SAMSN1: variants seen among roughly 807,000 people sequenced by gnomAD.
SAMSN1 encodes SAM domain, SH3 domain and nuclear localization signals 1.
A neutral mutation model predicts 42.0 loss-of-function variants in SAMSN1; 31 were observed. That is an observed-to-expected ratio of 0.74 (90% CI 0.55 to 1.00). The LOEUF (loss-of-function observed/expected upper bound fraction) is 1.00. Ranked by LOEUF, SAMSN1 falls within the 50% of genes least tolerant of loss-of-function variation. SAMSN1 has a pLI of 0.00. For synonymous variants in SAMSN1, 178 were observed against 151.9 expected, an observed-to-expected ratio of 1.17 and a Z score of -1.26; for missense variants, 464 against 439.4, an observed-to-expected ratio of 1.06 and a Z score of -0.50.
intron 2 of SAMSN1, among the ~76,000 whole-genome samples, chr21:14,626,799 A>G (rs959157211): frequency 2.0e-5 from 3 of 152,202 alleles, no homozygotes; most frequent in Non-Finnish European, 2.9e-5. Context: ...AGGATTATAA[A>G]TCATGCTGCT....
At position 14,485,720 on chromosome 21, in the gene SAMSN1, A is replaced by G. The variant is rs1986403883; in HGVS notation, c.*192T>C. 1 of 480,182 alleles carries G rather than the reference A, an allele frequency of 2.1e-6. No individual in the cohort carries two copies. Among genetic ancestry groups the G allele is most frequent in the Non-Finnish European group, 3.7e-6 (1 of 272,310 alleles). 29.7% of individuals were successfully genotyped at this position (480,182 alleles called of 1,614,324 possible). ...TAACACATAGCATTTAAAATAATAA[A>G]TATATATTTTATTGACAGTAATTTG... On this transcript the variant is annotated 3_prime_UTR_variant, in exon 8 of 8. Coordinates refer to ENST00000400566, the MANE Select transcript of SAMSN1 (RefSeq NM_022136.5).
chr21:14,584,482 A>G (rs1172328029), upstream of SAMSN1, among the ~76,000 whole-genome samples: 1 of 152,154 alleles, frequency 6.6e-6, no homozygotes, highest in Non-Finnish European at 1.5e-5. Flanking sequence ...GTTTCCCACT[A>G]GTTTACTGTT....
chr21:14,653,852 C>A (rs1983872802), intron 1 of SAMSN1, among the ~76,000 whole-genome samples: 1 of 17,670 alleles, frequency 5.7e-5, no homozygotes, highest in South Asian at 2.0e-3. Context: ...CACATTGCAA[C>A]ACACACACAC....
intron 1 of SAMSN1, among the ~76,000 whole-genome samples, chr21:14,529,315 T>G (rs529968771): frequency 1.3e-5 from 2 of 152,354 alleles, no homozygotes; most frequent in East Asian, 3.9e-4. Flanking sequence ...TGTTATTACA[T>G]GCTGTATCTC....
chr21:14,631,734 C>T (rs1474848845), intron 2 of SAMSN1, among the ~76,000 whole-genome samples: 4 of 152,124 alleles, frequency 2.6e-5, no homozygotes, highest in Non-Finnish European at 5.9e-5. Context: ...TACTGTATTG[C>T]ATTATTTTTA....
At chr21:14,579,054 C>G (rs1415219037) in intron 2 of SAMSN1, among the ~76,000 whole-genome samples, 2 of 152,098 alleles carry the variant, frequency 1.3e-5, no homozygotes, top group African/African-American at 4.8e-5. Flanking sequence ...TAAAATGAAA[C>G]TGGATATTTT....
At chr21:14,640,934 A>G (rs1398938178) in intron 2 of SAMSN1, among the ~76,000 whole-genome samples, 3 of 152,154 alleles carry the variant, frequency 2.0e-5, no homozygotes, top group African/African-American at 7.2e-5. Context: ...TTCTTTTGCA[A>G]TATAAATGAA....
chr21:14,572,685 G>C (rs1030154305), intron 2 of SAMSN1, among the ~76,000 whole-genome samples: 5 of 152,152 alleles, frequency 3.3e-5, no homozygotes, highest in African/African-American at 1.2e-4. Flanking sequence ...ATTGCACCTT[G>C]AAGGCAGGGT....
At chr21:14,659,147 G>A (rs1311702523), upstream of SAMSN1, among the ~76,000 whole-genome samples, 1 of 151,940 alleles carries the variant, frequency 6.6e-6, no homozygotes, top group African/African-American at 2.4e-5. Flanking sequence ...CCTCTTAAAA[G>A]TGGTAGGTCA....
At position 14,613,498 on chromosome 21, in the gene SAMSN1, G is replaced by T. The variant is rs1306951754; in HGVS notation, c.198-585C>A. 2.0e-5 allele frequency among the ~76,000 whole-genome samples: 3 copies of T among 152,196 alleles called. No homozygotes were observed. In the East Asian group the frequency reaches 5.8e-4, roughly 29 times the overall value. ...CATAACTAACATTGTTATAGCTTAA[G>T]TGTTTTCTACTATTGATATTCTTTA... On this transcript the variant is annotated intron_variant, in intron 3 of 15. Transcript: ENST00000647101.
intron 1 of SAMSN1, among the ~76,000 whole-genome samples, chr21:14,530,975 T>G (rs1452828506): frequency 2.6e-5 from 4 of 152,148 alleles, no homozygotes; most frequent in African/African-American, 9.6e-5. Context: ...TATTTTATTT[T>G]TCTATTTATT....
chr21:14,623,677 G>A (rs1983080729), intron 2 of SAMSN1, among the ~76,000 whole-genome samples: 1 of 152,000 alleles, frequency 6.6e-6, no homozygotes, highest in South Asian at 2.1e-4. Context: ...AATAATAATG[G>A]GAGACTTTAA....
chr21:14,495,767 G>A (rs535463446), intron 7 of SAMSN1: 15 of 152,212 alleles, frequency 9.9e-5, no homozygotes, highest in African/African-American at 1.4e-4. Context: ...AGGATAAGGC[G>A]GAACATGTTT....
At chr21:14,544,336 C>T (rs35234543) in intron 1 of SAMSN1, among the ~76,000 whole-genome samples, 3,017 of 152,246 alleles carry the variant, frequency 0.02, 52 homozygotes, top group Non-Finnish European at 0.028. Context: ...CAGGTGTGAG[C>T]CCATGCACCT....
At chr21:14,614,457 T>G (rs1982781895) in intron 3 of SAMSN1, among the ~76,000 whole-genome samples, 1 of 152,226 alleles carries the variant, frequency 6.6e-6, no homozygotes, top group Middle Eastern at 3.2e-3. Flanking sequence ...ACTTGACTGC[T>G]AATCAATTCA....
chr21:14,562,094 T>C (rs887184944), intron 2 of SAMSN1, among the ~76,000 whole-genome samples: 5 of 152,178 alleles, frequency 3.3e-5, no homozygotes, highest in African/African-American at 9.7e-5. Context: ...TGCTCAATAG[T>C]GTAGAGCTGA....
chr21:14,628,880 C>G (rs1363709236), intron 2 of SAMSN1, among the ~76,000 whole-genome samples: 1 of 152,140 alleles, frequency 6.6e-6, no homozygotes, highest in Admixed American at 6.6e-5. Context: ...ATCCTCACAA[C>G]AATCTGTAGG....
chr21:14,643,212 C>T (rs1038905179), intron 1 of SAMSN1: 5 of 677,626 alleles, frequency 7.4e-6, no homozygotes, highest in Non-Finnish European at 1.4e-5. Flanking sequence ...TATACACCCA[C>T]CTTTATATAG....
At chr21:14,614,756 T>C (rs371622605) in intron 3 of SAMSN1, among the ~76,000 whole-genome samples, 14 of 152,200 alleles carry the variant, frequency 9.2e-5, no homozygotes, top group African/African-American at 3.4e-4. Flanking sequence ...CTGTTTATAA[T>C]ACTGTAAAGT....
Sources: gnomAD v4.1 joint callset for allele counts (sites outside exome capture counted in the v4.1 genomes callset) on GRCh38, gnomAD v4.1.1 for gene constraint, MANE v1.5 for transcripts, NCBI Gene and HGNC (gene_info 2026-07-23, HGNC 2026-07-21) for gene names.